RSPO2: variants seen among roughly 807,000 people sequenced by gnomAD.
RSPO2 encodes R-spondin-2.
Under a neutral mutation model 30.9 loss-of-function variants are expected in RSPO2, and 14 were observed. The ratio of observed to expected loss-of-function variants is 0.45; its 90% CI spans 0.30 to 0.71. The LOEUF (loss-of-function observed/expected upper bound fraction) is 0.71. Among genes scored for constraint, RSPO2 ranks in the 30% least tolerant of loss-of-function variants. The probability of loss-of-function intolerance (pLI) is 0.08; values close to 1 mark genes in which losing one functional copy is unlikely to be tolerated. For missense variants in RSPO2, 264 were observed against 301.9 expected (o/e 0.87, Z 0.93); for synonymous variants, 107 against 96.4 (o/e 1.11, Z -0.64).
intron 5 of RSPO2, among the ~76,000 whole-genome samples, chr8:107,935,350 G>T (rs1812686574): frequency 1.3e-5 from 2 of 152,012 alleles, no homozygotes; most frequent in South Asian, 4.1e-4. Flanking sequence ...AGAATAAAAT[G>T]GATATAATCT....
At position 107,985,713 on chromosome 8, in the gene RSPO2, G is replaced by A. The variant is rs114881065; in HGVS notation, c.283+3343C>T. On this transcript the variant is annotated intron_variant, in intron 3 of 5. Transcript: ENST00000276659. ...AACAATTTAAAGAATAAAGTTTTAT[G>A]TAAATGATTTCATTAATGAATGAGA... 4.0e-3 allele frequency among the ~76,000 whole-genome samples: 612 copies of A among 152,242 alleles called. 5 individuals carry two copies. Among genetic ancestry groups the A allele is most frequent in the African/African-American group, 0.014 (589 of 41,558 alleles).
intron 4 of RSPO2, 27 bp downstream of exon 4, chr8:107,960,647 T>C (rs760203906): frequency 6.3e-7 from 1 of 1,598,914 alleles, no homozygotes; most frequent in Non-Finnish European, 8.5e-7. Flanking sequence ...AAGTTGCAGA[T>C]TGAGAGTTAC....
chr8:107,985,613 T>C (rs1814597300), intron 3 of RSPO2, among the ~76,000 whole-genome samples: 1 of 152,226 alleles, frequency 6.6e-6, no homozygotes, highest in East Asian at 1.9e-4. Context: ...ACTGTTGTTA[T>C]CTTTGAGAGA....
chr8:108,018,025 AAACTT>A (rs903818039), intron 2 of RSPO2, among the ~76,000 whole-genome samples: 3 of 152,232 alleles, frequency 2.0e-5, no homozygotes, highest in South Asian at 2.1e-4. Context: ...CAATTCAGAA[AAACTT>A]AACTTGTTTG....
At chr8:108,021,628 T>G (rs1002736152) in intron 2 of RSPO2, among the ~76,000 whole-genome samples, 2 of 151,836 alleles carry the variant, frequency 1.3e-5, no homozygotes, top group Non-Finnish European at 2.9e-5. Context: ...ACCTAAAAGG[T>G]GAGGACTTAA....
chr8:107,972,179 T>G (rs1000115576), intron 3 of RSPO2, among the ~76,000 whole-genome samples: 1 of 151,528 alleles, frequency 6.6e-6, no homozygotes, highest in Non-Finnish European at 1.5e-5. Context: ...AGAGTCTCAC[T>G]CTGTCACCCG....
At chr8:108,045,909 C>T (rs967896669) in intron 2 of RSPO2, among the ~76,000 whole-genome samples, 1 of 152,178 alleles carries the variant, frequency 6.6e-6, no homozygotes, top group African/African-American at 2.4e-5. Context: ...TAATATAAAA[C>T]ATAGCTACTT....
At chr8:108,029,977 T>C (rs549041133) in intron 2 of RSPO2, among the ~76,000 whole-genome samples, 1 of 152,256 alleles carries the variant, frequency 6.6e-6, no homozygotes, top group East Asian at 1.9e-4. Context: ...AAAACTGTTA[T>C]CTAATTTCTA....
At chr8:108,057,385 A>C (rs1244472485) in intron 2 of RSPO2, among the ~76,000 whole-genome samples, 1 of 152,122 alleles carries the variant, frequency 6.6e-6, no homozygotes, top group Non-Finnish European at 1.5e-5. Flanking sequence ...TTTTCTTCAT[A>C]GTGTTGTTCT....
At chr8:108,080,917 G>C (rs2130740765) in intron 2 of RSPO2, among the ~76,000 whole-genome samples, 1 of 152,312 alleles carries the variant, frequency 6.6e-6, no homozygotes, top group South Asian at 2.1e-4. Flanking sequence ...TGCTGGCTCT[G>C]CCGAATACTC....
At chr8:107,977,617 C>G (rs1397390878) in intron 3 of RSPO2, among the ~76,000 whole-genome samples, 1 of 152,074 alleles carries the variant, frequency 6.6e-6, no homozygotes, top group Non-Finnish European at 1.5e-5. Flanking sequence ...CTGAGAGAGA[C>G]AGACACCTAC....
At chr8:107,980,531 C>A (rs994056142) in intron 3 of RSPO2, among the ~76,000 whole-genome samples, 10 of 152,160 alleles carry the variant, frequency 6.6e-5, no homozygotes, top group African/African-American at 2.4e-4. Flanking sequence ...TAAAATAACT[C>A]TAATACATGA....
At chr8:107,928,630 CAAT>C (rs545339363) in intron 5 of RSPO2, among the ~76,000 whole-genome samples, 218 of 152,204 alleles carry the variant, frequency 1.4e-3, no homozygotes, top group African/African-American at 5.1e-3. Flanking sequence ...TTCAGGAGAG[CAAT>C]ATAACAGACA....
chr8:108,076,408 G>A (rs563454848), intron 2 of RSPO2, among the ~76,000 whole-genome samples: 1 of 152,324 alleles, frequency 6.6e-6, no homozygotes, highest in African/African-American at 2.4e-5. Context: ...GTAAGGGATG[G>A]AGCATCATAA....
intron 5 of RSPO2, among the ~76,000 whole-genome samples, chr8:107,937,169 T>A (rs1812747149): frequency 6.7e-6 from 1 of 149,840 alleles, no homozygotes; most frequent in Non-Finnish European, 1.5e-5. Context: ...TTTTTTTTTT[T>A]ATATGGGGAG....
intron 2 of RSPO2, among the ~76,000 whole-genome samples, chr8:108,063,747 C>A (rs1271058321): frequency 6.6e-6 from 1 of 151,950 alleles, no homozygotes; most frequent in Non-Finnish European, 1.5e-5. Context: ...AAGAACAAAG[C>A]TGGAGGCATC....
chr8:107,995,511 C>T (rs1487444407), intron 2 of RSPO2, among the ~76,000 whole-genome samples: 2 of 152,092 alleles, frequency 1.3e-5, no homozygotes. Context: ...CCAATGTCAC[C>T]GTCACATTTC....
chr8:107,909,144 C>G (rs1381291433), intron 5 of RSPO2, among the ~76,000 whole-genome samples: 1 of 152,050 alleles, frequency 6.6e-6, no homozygotes, highest in Non-Finnish European at 1.5e-5. Context: ...AGATATGAAG[C>G]AACTGAAGCA....
intron 2 of RSPO2, among the ~76,000 whole-genome samples, chr8:108,029,054 CTTTTTTTTTTTTTTTTT>C (rs71308771): frequency 8.0e-4 from 21 of 26,188 alleles, no homozygotes; most frequent in South Asian, 2.9e-3. Context: ...TAACATGAGT[CTTTTTTTTTTTTTTTTT>C]TTTTTTTTTT....
Sources: gnomAD v4.1 joint callset for allele counts (sites outside exome capture counted in the v4.1 genomes callset) on GRCh38, gnomAD v4.1.1 for gene constraint, MANE v1.5 for transcripts, NCBI Gene and HGNC (gene_info 2026-07-23, HGNC 2026-07-21) for gene names.